The following TNIK variants were observed in gnomAD, a reference collection of about 807,000 sequenced individuals.
The protein encoded by TNIK is TRAF2 and NCK-interacting protein kinase.
TNIK carries 49 observed loss-of-function variants against 191.3 expected under a neutral mutation model. The observed-to-expected ratio is 0.26, with a 90% CI of 0.20 to 0.32. TNIK has a LOEUF of 0.32. Among genes scored for constraint, TNIK ranks in the 10% least tolerant of loss-of-function variants. TNIK has a pLI of 1.00. For missense variants in TNIK, 1,155 were observed against 1,702.3 expected, an observed-to-expected ratio of 0.68 and a Z score of 5.66; for synonymous variants, 594 against 600.9, an observed-to-expected ratio of 0.99 and a Z score of 0.17.
At chr3:171,110,670 C>T in intron 19 of TNIK, 44 bp downstream of exon 19, 1 of 1,530,408 alleles carries the variant, frequency 6.5e-7, no homozygotes. Context: ...CCACAGCTTT[C>T]CTCCCAGGCA....
intron 3 of TNIK, among the ~76,000 whole-genome samples, chr3:171,214,106 A>G (rs1741179849): frequency 6.6e-6 from 1 of 151,960 alleles, no homozygotes; most frequent in South Asian, 2.1e-4. Context: ...ATCTTACGCA[A>G]CTTTTTAAGT....
chr3:171,252,676 G>T (rs1427966651), intron 2 of TNIK, among the ~76,000 whole-genome samples: 1 of 152,138 alleles, frequency 6.6e-6, no homozygotes, highest in Admixed American at 6.5e-5. Context: ...TTGGTTCTTT[G>T]ACATTCACAA....
intron 15 of TNIK, among the ~76,000 whole-genome samples, chr3:171,130,404 C>T (rs534152773): frequency 2.6e-5 from 4 of 152,164 alleles, no homozygotes; most frequent in Non-Finnish European, 5.9e-5. Context: ...TTTGAAATCC[C>T]GTGTCCCAGA....
At chr3:171,389,957 C>T (rs1229386205) in intron 1 of TNIK, among the ~76,000 whole-genome samples, 3 of 152,218 alleles carry the variant, frequency 2.0e-5, no homozygotes, top group Non-Finnish European at 4.4e-5. Flanking sequence ...CCTCTGCACA[C>T]AACCCCAAGA....
intron 2 of TNIK, among the ~76,000 whole-genome samples, chr3:171,244,699 G>A (rs1409721669): frequency 4.0e-5 from 6 of 151,836 alleles, no homozygotes; most frequent in Non-Finnish European, 8.8e-5. Context: ...TTACAAAGGT[G>A]AGATAGAAAT....
intron 2 of TNIK, among the ~76,000 whole-genome samples, chr3:171,359,805 T>C (rs989312773): frequency 5.3e-5 from 8 of 152,218 alleles, no homozygotes; most frequent in African/African-American, 1.9e-4. Context: ...TCTCAAATGT[T>C]TCCCATGTAC....
intron 2 of TNIK, among the ~76,000 whole-genome samples, chr3:171,253,474 C>G (rs921772771): frequency 6.6e-6 from 1 of 151,822 alleles, no homozygotes; most frequent in Non-Finnish European, 1.5e-5. Context: ...GATGAGGTCT[C>G]AACTTGCTCC....
intron 21 of TNIK, among the ~76,000 whole-genome samples, chr3:171,103,161 A>G (rs1438366396): frequency 6.6e-6 from 1 of 152,122 alleles, no homozygotes; most frequent in Non-Finnish European, 1.5e-5. Context: ...CATTACATAC[A>G]GAAACACACT....
chr3:171,235,888 AG>A (rs1238177003), intron 2 of TNIK, among the ~76,000 whole-genome samples: 5 of 152,158 alleles, frequency 3.3e-5, no homozygotes, highest in African/African-American at 4.8e-5. Context: ...GACACAAAAA[AG>A]GTTCTTGATG....
chr3:171,379,784 G>A (rs1332156733), intron 1 of TNIK, among the ~76,000 whole-genome samples: 1 of 152,176 alleles, frequency 6.6e-6, no homozygotes, highest in Non-Finnish European at 1.5e-5. Flanking sequence ...GCTGAGGCGG[G>A]CAGATCACGA....
chr3:171,110,662 A>T, intron 19 of TNIK, 52 bp downstream of exon 19: 1 of 1,518,020 alleles, frequency 6.6e-7, no homozygotes, highest in Non-Finnish European at 8.9e-7. Context: ...TTCCCTGTCC[A>T]CAGCTTTCCT....
chr3:171,075,178 T>C (rs1368457316), intron 28 of TNIK, among the ~76,000 whole-genome samples: 1 of 152,246 alleles, frequency 6.6e-6, no homozygotes, highest in Non-Finnish European at 1.5e-5. Flanking sequence ...TATTAGTTTA[T>C]GGACACAAAA....
chr3:171,077,657 A>G (rs527831290), intron 28 of TNIK, among the ~76,000 whole-genome samples: 54 of 152,228 alleles, frequency 3.5e-4, no homozygotes, highest in Admixed American at 1.5e-3. Flanking sequence ...AGGCCTTCAG[A>G]TTTGAACTGG....
intron 21 of TNIK, among the ~76,000 whole-genome samples, chr3:171,104,646 CAATATAGTTTATTCA>C (rs984115533): frequency 3.3e-5 from 5 of 151,688 alleles, no homozygotes; most frequent in African/African-American, 1.2e-4. Context: ...TTTTTAGAAA[CAATATAGTTTATTCA>C]AATAAATATT....
Position 171,126,139 on chromosome 3 carries a change from C to A in TNIK, c.1786G>T (p.Val596Leu), listed in dbSNP as rs779993413. Reference sequence around the variant, plus strand: ...GCAGGTCCCTGGGATTTTACAGCTACCAGATGTGGGATCTAAGCATCAAAA... The same window carrying A: ...GCAGGTCCCTGGGATTTTACAGCTAACAGATGTGGGATCTAAGCATCAAAA... ...RPVDPQIPHLVAVKSQGPALT... is the reference protein window; with the variant it reads ...RPVDPQIPHLLAVKSQGPALT... The change falls in exon 17 of 33, where the codon GTA becomes TTA. Residue 596 changes from valine (V) to leucine (L), a missense_variant. Coordinates refer to ENST00000436636, the MANE Select transcript of TNIK (RefSeq NM_015028.4). 8 of 1,537,870 alleles carry A rather than the reference C, an allele frequency of 5.2e-6. No homozygotes were observed. In the Admixed American group the frequency reaches 8.6e-5, roughly 17 times the overall value.
At chr3:171,121,100 A>T (rs995484585) in intron 18 of TNIK, among the ~76,000 whole-genome samples, 1 of 152,212 alleles carries the variant, frequency 6.6e-6, no homozygotes, top group Admixed American at 6.5e-5. Flanking sequence ...CTAATTTTCT[A>T]GTCACCCTTG....
intron 2 of TNIK, among the ~76,000 whole-genome samples, chr3:171,303,634 C>T (rs1367266447): frequency 2.0e-5 from 3 of 152,162 alleles, no homozygotes; most frequent in Non-Finnish European, 4.4e-5. Flanking sequence ...TATGGCATGG[C>T]CTTCACATAA....
intron 18 of TNIK, among the ~76,000 whole-genome samples, chr3:171,121,434 T>C (rs1266178825): frequency 6.6e-6 from 1 of 152,180 alleles, no homozygotes; most frequent in Non-Finnish European, 1.5e-5. Context: ...TCAGCAAAGA[T>C]GATGCAAGCA....
chr3:171,286,132 A>T (rs1750985599), intron 2 of TNIK, among the ~76,000 whole-genome samples: 1 of 152,212 alleles, frequency 6.6e-6, no homozygotes, highest in Admixed American at 6.5e-5. Context: ...GAGCCATTGA[A>T]GGAGAACATC....
Sources: gnomAD v4.1 joint callset for allele counts (sites outside exome capture counted in the v4.1 genomes callset) on GRCh38, gnomAD v4.1.1 for gene constraint, MANE v1.5 for transcripts, NCBI Gene and HGNC (gene_info 2026-07-23, HGNC 2026-07-21) for gene names.